Variants in COIL observed in about 807,000 individuals in gnomAD.
COIL encodes coilin.
A neutral mutation model predicts 51.6 loss-of-function variants in COIL; 28 were observed. The ratio of observed to expected loss-of-function variants is 0.54; its 90% CI spans 0.40 to 0.74. The LOEUF (loss-of-function observed/expected upper bound fraction) is 0.74. COIL is among the 30% of genes least tolerant of loss of function. The probability of loss-of-function intolerance (pLI) is 0.00; values close to 1 mark genes in which losing one functional copy is unlikely to be tolerated. For missense variants in COIL, 667 were observed against 685.9 expected, an observed-to-expected ratio of 0.97 and a Z score of 0.31; for synonymous variants, 233 against 255.8, an observed-to-expected ratio of 0.91 and a Z score of 0.85.
chr17:56,953,239 G>T (rs867937779), intron 1 of COIL, among the ~76,000 whole-genome samples: 1 of 151,698 alleles, frequency 6.6e-6, no homozygotes, highest in African/African-American at 2.4e-5. Context: ...GTGAAACCCC[G>T]TCTCTACTAA....
At position 56,950,835 on chromosome 17, in the gene COIL, C is replaced by G; in HGVS notation, c.407G>C (p.Arg136Pro). The G allele has an allele frequency of 6.2e-7, 1 of 1,613,980 alleles. No individual in the cohort carries two copies. Among genetic ancestry groups the G allele is most frequent in the Non-Finnish European group, 8.5e-7 (1 of 1,180,012 alleles). Residue 136 changes from arginine (R) to proline (P), a missense_variant, in exon 2 of 7, where the codon CGA becomes CCA. Physicochemically the swap from Arg to Pro is moderately radical, Grantham distance 103. Coordinates refer to ENST00000240316, the MANE Select transcript of COIL (RefSeq NM_004645.3). Reference sequence around the variant, plus strand: ...CTTCTCATTATTGTTATTGTTCTCTCGACTCTTCCAATGCTTCTTTGAATA... The same window carrying G: ...CTTCTCATTATTGTTATTGTTCTCTGGACTCTTCCAATGCTTCTTTGAATA... ...CKYSKKHWKS[R>P]ENNNNNEKVL...
intron 2 of COIL, 26 bp downstream of exon 2, chr17:56,949,863 G>C (rs1336157054): frequency 1.2e-6 from 2 of 1,610,600 alleles, no homozygotes; most frequent in East Asian, 2.2e-5. Context: ...AAAGGGAGGA[G>C]ATAACTTACA....
Position 56,946,432 on chromosome 17 carries a change from A to ATTTG in COIL, c.1558+9_1558+10insCAAA. 1 of 1,578,822 alleles carries ATTTG rather than the reference A, an allele frequency of 6.3e-7. No individual in the cohort carries two copies. Among genetic ancestry groups the ATTTG allele is most frequent in the Non-Finnish European group, 8.7e-7 (1 of 1,149,912 alleles). On this transcript the variant is annotated intron_variant, in intron 5 of 6. Coordinates refer to ENST00000240316, the MANE Select transcript of COIL (RefSeq NM_004645.3). ...GCCTACATTTTCAAATTATTTTCTA[A>ATTTG]AAGACTCACCAGGTAAGGATGAAAG...
chr17:56,939,701 C>T (rs1910109927), intron 6 of COIL, among the ~76,000 whole-genome samples: 1 of 152,110 alleles, frequency 6.6e-6, no homozygotes, highest in Admixed American at 6.6e-5. Flanking sequence ...GATCGCGCCA[C>T]TGCACTCCAG....
At position 56,950,181 on chromosome 17, in the gene COIL, C is replaced by T. The variant is rs1272811670; in HGVS notation, c.1061G>A (p.Gly354Asp). Reference protein sequence around the residue: ...VGLFAGRGRPGPGLSSQTAGA... With the variant: ...VGLFAGRGRPDPGLSSQTAGA... Reference sequence around the variant, plus strand: ...TGCAGTCTGTGATGACAGCCCTGGGCCTGGACGACCTCTTCCTGCAAAAAG... The same window carrying T: ...TGCAGTCTGTGATGACAGCCCTGGGTCTGGACGACCTCTTCCTGCAAAAAG... The change falls in exon 2 of 7, where the codon GGC becomes GAC. Residue 354 changes from glycine to aspartate, a missense_variant. By Grantham distance (94) the Gly-to-Asp change is moderately conservative. Transcript: ENST00000240316. 1 of 1,614,170 alleles carries T rather than the reference C, an allele frequency of 6.2e-7. No individual in the cohort carries two copies. Among genetic ancestry groups the T allele is most frequent in the Non-Finnish European group, 8.5e-7 (1 of 1,180,046 alleles).
Position 56,950,799 on chromosome 17 carries a change from A to G in COIL, c.443T>C (p.Leu148Pro). The G allele has an allele frequency of 6.2e-7, 1 of 1,613,892 alleles. No homozygotes were observed. The highest frequency in any genetic ancestry group is 8.5e-7 in the Non-Finnish European group (1 of 1,180,016). Reference sequence around the variant, plus strand: ...CTGATCTGTGACAGCTTTTGGTTCCAGATCCAAGACCTTCTCATTATTGTT... The same window carrying G: ...CTGATCTGTGACAGCTTTTGGTTCCGGATCCAAGACCTTCTCATTATTGTT... Reference protein sequence around the residue: ...NNNNNEKVLDLEPKAVTDQTV... With the variant: ...NNNNNEKVLDPEPKAVTDQTV... The change falls in exon 2 of 7, where the codon CTG becomes CCG. Residue 148 changes from leucine (L) to proline (P), a missense_variant. Transcript: ENST00000240316.
chr17:56,952,778 T>C (rs1465720071), intron 1 of COIL, among the ~76,000 whole-genome samples: 1 of 151,162 alleles, frequency 6.6e-6, no homozygotes, highest in East Asian at 1.9e-4. Flanking sequence ...ATCCCATGTC[T>C]GTGAGTGAGT....
intron 6 of COIL, among the ~76,000 whole-genome samples, chr17:56,941,512 G>C (rs1240546772): frequency 6.6e-6 from 1 of 152,244 alleles, no homozygotes; most frequent in Non-Finnish European, 1.5e-5. Flanking sequence ...GGAGGTTGCA[G>C]TGAGCCAAGA....
rs1195032899 is a variant in COIL at position 56,949,781 on chromosome 17, T to C, written c.1354-14A>G. 2 of 1,612,762 alleles carry C rather than the reference T, an allele frequency of 1.2e-6. No individual in the cohort carries two copies. Among genetic ancestry groups the C allele is most frequent in the African/African-American group, 1.3e-5 (1 of 75,024 alleles). ...CTCTACTGGATTCTGAAAAACAGTG[T>C]TAGTCATGTGACATCATCACTGGTG... On this transcript the variant is annotated splice_polypyrimidine_tract_variant and intron_variant, in intron 2 of 6. Transcript: ENST00000240316.
In COIL at chr17:56,949,945, T is replaced by G; in HGVS notation, c.1297A>C (p.Asn433His). 1.2e-6 allele frequency: 2 copies of G among 1,614,122 alleles called. No homozygotes were observed. Among genetic ancestry groups the G allele is most frequent in the South Asian group, 2.2e-5 (2 of 91,080 alleles). ...VSCVVNRSTD[N>H]QRQQQLNDVV... ...TCATTTAATTGCTGTTGCCTCTGGT[T>G]GTCAGTGCTTCTATTTACAACACAG... Residue 433 changes from asparagine (N) to histidine (H), a missense_variant, in exon 2 of 7, where the codon AAC becomes CAC. Physicochemically the swap from Asn to His is moderately conservative, Grantham distance 68. Coordinates refer to ENST00000240316, the MANE Select transcript of COIL (RefSeq NM_004645.3).
rs770424777 is a variant in COIL, at chr17:56,949,479, C to G, written c.1441-45G>C. On this transcript the variant is annotated intron_variant, in intron 3 of 6. Coordinates refer to ENST00000240316, the MANE Select transcript of COIL (RefSeq NM_004645.3). ...CCACAAATACATAAGCCCTCTTATC[C>G]TCTCCCATTCCCACAGCTCCTCCAT... The G allele has an allele frequency of 1.3e-5, 21 of 1,574,860 alleles. No individual in the cohort carries two copies. The East Asian group carries it at 4.5e-4, about 34-fold the overall frequency.
At position 56,950,552 on chromosome 17, in the gene COIL, G is replaced by C; in HGVS notation, c.690C>G (p.Ala230=). Residue 230 remains alanine (A), a synonymous_variant, in exon 2 of 7, where the codon GCC becomes GCG. Coordinates refer to ENST00000240316, the MANE Select transcript of COIL (RefSeq NM_004645.3). ...AAACGCTTACACTACCTTTCCTTTT[G>C]GCTTTAACAAGGCTGTTTCTAGCAG... The part of the protein sequence containing the change: ...KGSARNSLVK[A]KRKGSVSVCS... 1.2e-6 allele frequency: 2 copies of C among 1,614,154 alleles called. No homozygotes were observed.
At chr17:56,944,321 G>A (rs1402140271) in intron 5 of COIL, among the ~76,000 whole-genome samples, 6 of 152,114 alleles carry the variant, frequency 3.9e-5, no homozygotes, top group Admixed American at 1.3e-4. Context: ...GGCCAGGCAC[G>A]GTGGCTCATG....
chr17:56,950,180 G>A lies in COIL; in HGVS notation c.1062C>T (p.Gly354=). ...VGLFAGRGRP[G]PGLSSQTAGA... ...CTGCAGTCTGTGATGACAGCCCTGG[G>A]CCTGGACGACCTCTTCCTGCAAAAA... The change falls in exon 2 of 7, where the codon GGC becomes GGT. Residue 354 remains glycine (G), a synonymous_variant. Transcript: ENST00000240316. The A allele has an allele frequency of 6.2e-7, 1 of 1,614,122 alleles. No individual in the cohort carries two copies.
At chr17:56,940,775 T>C (rs1910130162) in intron 6 of COIL, among the ~76,000 whole-genome samples, 1 of 152,192 alleles carries the variant, frequency 6.6e-6, no homozygotes, top group Admixed American at 6.6e-5. Flanking sequence ...CTAACTTCCA[T>C]TTAATGCCAC....
At chr17:56,949,532 C>T (rs1309795160) in intron 3 of COIL, 98 bp from the exon 4 acceptor site, 6 of 1,437,302 alleles carry the variant, frequency 4.2e-6, no homozygotes, top group Non-Finnish European at 5.9e-6. Flanking sequence ...TCCACCCCGA[C>T]CAGTCTGGGA....
chr17:56,952,169 C>T (rs748792039), intron 1 of COIL: 1 of 485,152 alleles, frequency 2.1e-6, no homozygotes, highest in Non-Finnish European at 4.1e-6. Context: ...TCTGAAACCA[C>T]TGATGATCAT....
Position 56,938,939 on chromosome 17 carries a change from CT to C in COIL, c.*131del. Reference sequence around the variant, plus strand: ...TTTAAATGATGAGGTAGATTGTTTCCTATGCAGTAAAGTGAAGATAACAAAA... The same window carrying C: ...TTTAAATGATGAGGTAGATTGTTTCCATGCAGTAAAGTGAAGATAACAAAA... On this transcript the variant is annotated 3_prime_UTR_variant, in exon 7 of 7. Coordinates refer to ENST00000240316, the MANE Select transcript of COIL (RefSeq NM_004645.3). 1 of 546,894 alleles carries C rather than the reference CT, an allele frequency of 1.8e-6. No homozygotes were observed. Among genetic ancestry groups the C allele is most frequent in the Non-Finnish European group, 3.3e-6 (1 of 307,482 alleles). The allele number at this position is 546,894 out of a possible 1,614,324, so 33.9% of individuals were successfully genotyped here. A position where few individuals can be genotyped will look rare whatever the true frequency, so the allele number is the denominator to read the frequency against.
At position 56,949,906 on chromosome 17, in the gene COIL, A is replaced by G. The variant is rs141685795; in HGVS notation, c.1336T>C (p.Ser446Pro). The change falls in exon 2 of 7, where the codon TCA becomes CCA. Residue 446 changes from serine (S) to proline (P), a missense_variant. Physicochemically the swap from Ser to Pro is moderately conservative, Grantham distance 74. Coordinates refer to ENST00000240316, the MANE Select transcript of COIL (RefSeq NM_004645.3). ...ATACTTACCTGGATAATAGTAGATG[A>G]ATTTTTTACCACGTCATTTAATTGC... ...QQQLNDVVKN[S>P]STIIQNPVET... 84 of 1,613,754 alleles carry G rather than the reference A, an allele frequency of 5.2e-5. No individual in the cohort carries two copies. Among genetic ancestry groups the G allele is most frequent in the Non-Finnish European group, 6.9e-5 (82 of 1,179,872 alleles).
Sources: gnomAD v4.1 joint callset for allele counts (sites outside exome capture counted in the v4.1 genomes callset) on GRCh38, gnomAD v4.1.1 for gene constraint, MANE v1.5 for transcripts, NCBI Gene and HGNC (gene_info 2026-07-23, HGNC 2026-07-21) for gene names.